Variants in ARHGAP24 observed in about 807,000 individuals in gnomAD.
ARHGAP24 encodes the protein Rho GTPase activating protein 24, also known as rho GTPase-activating protein 24.
In ARHGAP24, 50 loss-of-function variants were observed where a neutral mutation model predicts 76.4. That is an observed-to-expected ratio of 0.65 (90% CI 0.52 to 0.83). The LOEUF is 0.83. Among genes scored for constraint, ARHGAP24 ranks in the 40% least tolerant of loss-of-function variants. The pLI is 0.00. For synonymous variants in ARHGAP24, 345 were observed against 323.3 expected (o/e 1.07, Z -0.72); for missense variants, 930 against 914.2 (o/e 1.02, Z -0.22).
chr4:85,705,562 C>T (rs911696284), intron 2 of ARHGAP24, among the ~76,000 whole-genome samples: 1 of 152,148 alleles, frequency 6.6e-6, no homozygotes, highest in African/African-American at 2.4e-5. Flanking sequence ...AGGTTATAGT[C>T]CAGCATTTTT....
At chr4:85,643,139 G>C (rs577691525) in intron 2 of ARHGAP24, among the ~76,000 whole-genome samples, 1 of 151,642 alleles carries the variant, frequency 6.6e-6, no homozygotes, top group South Asian at 2.1e-4. Context: ...CATGTATCGG[G>C]ATCTCACCAC....
chr4:85,949,602 G>A (rs568115405), intron 5 of ARHGAP24, among the ~76,000 whole-genome samples: 24 of 152,244 alleles, frequency 1.6e-4, no homozygotes, highest in African/African-American at 5.3e-4. Flanking sequence ...TTTACACCGT[G>A]GCTCAGTACT....
intron 2 of ARHGAP24, among the ~76,000 whole-genome samples, chr4:85,622,813 A>G (rs911782103): frequency 2.6e-5 from 4 of 152,258 alleles, no homozygotes; most frequent in African/African-American, 9.6e-5. Context: ...ATGATATCTC[A>G]TTGTGGTTTT....
chr4:85,754,332 G>T (rs1323418013), intron 3 of ARHGAP24, among the ~76,000 whole-genome samples: 2 of 152,212 alleles, frequency 1.3e-5, no homozygotes, highest in Non-Finnish European at 2.9e-5. Flanking sequence ...TTCATTTGCT[G>T]ATGGACACTT....
At chr4:85,591,325 C>A (rs932216390) in intron 2 of ARHGAP24, among the ~76,000 whole-genome samples, 1 of 152,096 alleles carries the variant, frequency 6.6e-6, no homozygotes, top group Admixed American at 6.6e-5. Context: ...GGATTACAGG[C>A]GTGAGCCACC....
chr4:85,905,212 G>T lies in ARHGAP24; in HGVS notation c.269-18436G>T, dbSNP rs994204081. Among the ~76,000 whole-genome samples the T allele has an allele frequency of 5.3e-5, 8 of 152,220 alleles. No individual in the cohort carries two copies. The South Asian group carries it at 1.5e-3, about 28-fold the overall frequency. On this transcript the variant is annotated intron_variant, in intron 3 of 9. Coordinates refer to ENST00000395184, the MANE Select transcript of ARHGAP24 (RefSeq NM_001025616.3). ...AATGTTATTTTTTAAGGGCAAAGTAGTGTTTGTTTTACATTACTGAAAAGA... is the reference window on the plus strand; with the variant it reads ...AATGTTATTTTTTAAGGGCAAAGTATTGTTTGTTTTACATTACTGAAAAGA...
chr4:85,972,340 G>A (rs1315461865), intron 6 of ARHGAP24, 172 bp downstream of exon 6: 3 of 782,486 alleles, frequency 3.8e-6, no homozygotes, highest in Non-Finnish European at 6.1e-6. Context: ...CACCATTTCC[G>A]ATCCCCTCTC....
At chr4:85,559,361 T>C (rs531573651) in intron 1 of ARHGAP24, among the ~76,000 whole-genome samples, 1 of 152,372 alleles carries the variant, frequency 6.6e-6, no homozygotes, top group East Asian at 1.9e-4. Context: ...CTGGAATGGC[T>C]AAATTGAACA....
At chr4:85,814,998 A>C (rs972959903) in intron 3 of ARHGAP24, among the ~76,000 whole-genome samples, 4 of 152,034 alleles carry the variant, frequency 2.6e-5, no homozygotes, top group Non-Finnish European at 5.9e-5. Context: ...TCAACACTAC[A>C]TGGAAGCTGC....
In ARHGAP24 at chr4:85,651,657, G is replaced by A. The variant is rs113330158; in HGVS notation, c.181-70228G>A. Among the ~76,000 whole-genome samples, 804 of 140,470 alleles carry A rather than the reference G, an allele frequency of 5.7e-3. 122 individuals are homozygous for A. The highest frequency in any genetic ancestry group is 0.025 in the African/African-American group (769 of 30,852). 92.2% of individuals were successfully genotyped at this position (140,470 alleles called of 152,430 possible). A position where few individuals can be genotyped will look rare whatever the true frequency, so the allele number is the denominator to read the frequency against. ...AGTCTTTACCCAAACTGTGAACATA[G>A]TAACACATTGAGTTTTTCCTCTTTT... On this transcript the variant is annotated intron_variant, in intron 2 of 9. Transcript: ENST00000395184.
intron 2 of ARHGAP24, among the ~76,000 whole-genome samples, chr4:85,634,792 G>C (rs1721259645): frequency 6.6e-6 from 1 of 151,810 alleles, no homozygotes; most frequent in African/African-American, 2.4e-5. Context: ...AAACTCTTGA[G>C]ATGCTTAGAA....
chr4:85,547,238 C>T (rs983957908), intron 1 of ARHGAP24, among the ~76,000 whole-genome samples: 2 of 152,182 alleles, frequency 1.3e-5, no homozygotes, highest in Non-Finnish European at 2.9e-5. Context: ...AGTTCCTCAC[C>T]TTTCTTTGTC....
At chr4:85,740,975 C>A (rs1006554304) in intron 3 of ARHGAP24, among the ~76,000 whole-genome samples, 1 of 152,150 alleles carries the variant, frequency 6.6e-6, no homozygotes, top group African/African-American at 2.4e-5. Context: ...TGCTTGTATT[C>A]TTTAATTTAA....
intron 2 of ARHGAP24, among the ~76,000 whole-genome samples, chr4:85,666,768 C>T (rs1404167050): frequency 6.6e-6 from 1 of 152,152 alleles, no homozygotes. Context: ...CACTCCAGAC[C>T]CTGTTTGCCT....
At chr4:85,845,648 C>T (rs1299825200) in intron 3 of ARHGAP24, among the ~76,000 whole-genome samples, 5 of 152,102 alleles carry the variant, frequency 3.3e-5, no homozygotes, top group Non-Finnish European at 7.4e-5. Flanking sequence ...TCACTACCTA[C>T]CTGACAGAGG....
At chr4:85,577,625 A>G (rs984523502) in intron 2 of ARHGAP24, among the ~76,000 whole-genome samples, 4 of 152,184 alleles carry the variant, frequency 2.6e-5, no homozygotes, top group African/African-American at 9.7e-5. Context: ...AATACCAAGC[A>G]TTTGTGAAGA....
intron 2 of ARHGAP24, among the ~76,000 whole-genome samples, chr4:85,664,147 C>A (rs1722514664): frequency 1.3e-5 from 2 of 151,318 alleles, no homozygotes; most frequent in South Asian, 4.1e-4. Context: ...GTCCTGGACT[C>A]TTTTTTGTTG....
chr4:85,797,442 G>A (rs1045922161), intron 3 of ARHGAP24, among the ~76,000 whole-genome samples: 2 of 152,172 alleles, frequency 1.3e-5, no homozygotes, highest in African/African-American at 2.4e-5. Context: ...CAAAGTGCTG[G>A]GATTACAGGC....
chr4:85,713,429 ATC>A (rs1373106152), intron 2 of ARHGAP24, among the ~76,000 whole-genome samples: 4 of 152,210 alleles, frequency 2.6e-5, no homozygotes. Flanking sequence ...AATAAAAATC[ATC>A]TATAACCTGA....
Sources: allele counts gnomAD v4.1 joint callset (sites outside exome capture counted in the v4.1 genomes callset), GRCh38; gene constraint gnomAD v4.1.1; transcripts MANE v1.5; gene names NCBI Gene and HGNC (gene_info 2026-07-23, HGNC 2026-07-21).